The following RBFOX1 variants were observed in gnomAD, a reference collection of about 807,000 sequenced individuals.
RBFOX1 encodes the protein RNA binding protein fox-1 homolog 1.
RBFOX1 carries 8 observed loss-of-function variants against 57.7 expected under a neutral mutation model. The observed-to-expected ratio is 0.14, with a 90% CI of 0.08 to 0.25. The LOEUF (loss-of-function observed/expected upper bound fraction) is 0.25, where lower values mean the gene tolerates loss of function less well. RBFOX1 is among the 10% of genes least tolerant of loss of function. RBFOX1 has a pLI of 1.00. For missense variants in RBFOX1, 611 were observed against 548.5 expected (o/e 1.11, Z -1.14); for synonymous variants, 326 against 222.4 (o/e 1.47, Z -4.15).
chr16:7,249,194 C>G (rs558771264), intron 4 of RBFOX1, among the ~76,000 whole-genome samples: 7 of 152,346 alleles, frequency 4.6e-5, no homozygotes, highest in African/African-American at 7.2e-5. Flanking sequence ...GCTAAGTTGA[C>G]TACATTTTTA....
chr16:5,948,679 C>T (rs575565810), intron 4 of RBFOX1, among the ~76,000 whole-genome samples: 1 of 152,238 alleles, frequency 6.6e-6, no homozygotes, highest in South Asian at 2.1e-4. Context: ...AACAAGAAAC[C>T]GGGAGGGACG....
intron 3 of RBFOX1, among the ~76,000 whole-genome samples, chr16:6,999,901 G>C (rs1414171644): frequency 6.6e-6 from 1 of 151,830 alleles, no homozygotes; most frequent in East Asian, 1.9e-4. Context: ...GTGAAACCCT[G>C]TCTTTACTAA....
intron 3 of RBFOX1, among the ~76,000 whole-genome samples, chr16:6,985,674 A>T (rs182883303): frequency 1.3e-5 from 2 of 152,054 alleles, no homozygotes; most frequent in African/African-American, 4.8e-5. Context: ...CAAAAAATAC[A>T]AAAAAGAAAA....
At position 6,858,266 on chromosome 16, in the gene RBFOX1, G is replaced by C. The variant is rs150917950; in HGVS notation, c.-15-193791G>C. Among the ~76,000 whole-genome samples, 430 of 152,300 alleles carry C rather than the reference G, an allele frequency of 2.8e-3. 2 individuals are homozygous for C. Among genetic ancestry groups the C allele is most frequent in the Non-Finnish European group, 4.5e-3 (305 of 68,034 alleles). ...CTCAAATGATGAACTACACTTTGTA[G>C]GGAATGTTTCAGAGGTCTTCCCTCT... On this transcript the variant is annotated intron_variant, in intron 3 of 15. Coordinates refer to ENST00000550418, the MANE Select transcript of RBFOX1 (RefSeq NM_018723.4).
chr16:5,981,006 T>C (rs934962355), intron 4 of RBFOX1, among the ~76,000 whole-genome samples: 2 of 152,198 alleles, frequency 1.3e-5, no homozygotes, highest in African/African-American at 4.8e-5. Flanking sequence ...CCTGCCTCCC[T>C]GGGAGCTCAC....
chr16:7,239,576 G>C (rs1231645972), intron 4 of RBFOX1, among the ~76,000 whole-genome samples: 1 of 152,160 alleles, frequency 6.6e-6, no homozygotes, highest in Non-Finnish European at 1.5e-5. Context: ...AAGACCATTT[G>C]CATGTGTGAA....
At position 6,688,146 on chromosome 16, in the gene RBFOX1, T is replaced by C. The variant is rs1022918942; in HGVS notation, c.-16+33496T>C. On this transcript the variant is annotated intron_variant, in intron 3 of 15. Coordinates refer to ENST00000550418, the MANE Select transcript of RBFOX1 (RefSeq NM_018723.4). The stretch of plus-strand genomic sequence containing the variant: ...CAGGCTGTACAGGAAGCACCACGGC[T>C]TCTGGGGAGGTTTCAGAAGACTTTC... Among the ~76,000 whole-genome samples the C allele has an allele frequency of 2.0e-5, 3 of 152,048 alleles. 1 individual carries two copies. The highest frequency in any genetic ancestry group is 1.5e-5 in the Non-Finnish European group (1 of 68,016).
At chr16:5,565,431 GC>G (rs1408959628) in intron 2 of RBFOX1, among the ~76,000 whole-genome samples, 1 of 152,010 alleles carries the variant, frequency 6.6e-6, no homozygotes, top group Non-Finnish European at 1.5e-5. Flanking sequence ...TTCAAAAGCA[GC>G]CTGACCAACA....
intron 3 of RBFOX1, among the ~76,000 whole-genome samples, chr16:5,801,762 T>A (rs752794863): frequency 6.6e-6 from 1 of 152,188 alleles, no homozygotes; most frequent in Non-Finnish European, 1.5e-5. Context: ...TTGTGTTGTT[T>A]GTTTGTTTTA....
chr16:7,675,188 T>C (rs1170937826), intron 13 of RBFOX1, among the ~76,000 whole-genome samples: 1 of 152,158 alleles, frequency 6.6e-6, no homozygotes, highest in Non-Finnish European at 1.5e-5. Flanking sequence ...GAACAAGCTA[T>C]ATAGAAAAAT....
intron 12 of RBFOX1, among the ~76,000 whole-genome samples, chr16:7,662,313 C>G (rs1006385952): frequency 6.6e-6 from 1 of 152,188 alleles, no homozygotes. Flanking sequence ...TCTCCTAATT[C>G]AGGTTCGAGT....
chr16:6,345,451 G>A (rs2085230824), intron 2 of RBFOX1, among the ~76,000 whole-genome samples: 1 of 152,162 alleles, frequency 6.6e-6, no homozygotes, highest in South Asian at 2.1e-4. Context: ...GTGGTAAACC[G>A]ACATGGCAGG....
intron 4 of RBFOX1, among the ~76,000 whole-genome samples, chr16:7,097,616 C>T (rs956071620): frequency 1.2e-4 from 18 of 152,170 alleles, no homozygotes; most frequent in Non-Finnish European, 2.4e-4. Flanking sequence ...TGTTGCCACT[C>T]ATAATATGCA....
chr16:6,614,041 G>T (rs962359184), intron 2 of RBFOX1, among the ~76,000 whole-genome samples: 1 of 152,164 alleles, frequency 6.6e-6, no homozygotes, highest in Non-Finnish European at 1.5e-5. Context: ...AGTGAGTTTA[G>T]GTGAAACTTT....
intron 3 of RBFOX1, among the ~76,000 whole-genome samples, chr16:6,767,899 G>A (rs2077567898): frequency 7.1e-6 from 1 of 141,206 alleles, no homozygotes; most frequent in Admixed American, 7.2e-5. Context: ...GGGCAACAGA[G>A]TAAGGACTCT....
chr16:5,608,303 C>G (rs2151234512), intron 3 of RBFOX1, among the ~76,000 whole-genome samples: 1 of 152,312 alleles, frequency 6.6e-6, no homozygotes, highest in South Asian at 2.1e-4. Context: ...ACCAAGGGCT[C>G]TGTTTCCGTA....
chr16:6,432,259 TTGC>T lies in RBFOX1; in HGVS notation c.-64+115204_-64+115206del, dbSNP rs142506169. On this transcript the variant is annotated intron_variant, in intron 2 of 15. Coordinates refer to ENST00000550418, the MANE Select transcript of RBFOX1 (RefSeq NM_018723.4). ...GCTAGGATTATACGTATGAGCCACG[TTGC>T]TCACCCTGAAAGTGCTCAGAAACAT... Among the ~76,000 whole-genome samples the T allele has an allele frequency of 3.4e-3, 513 of 152,242 alleles. 4 individuals carry two copies. The highest frequency in any genetic ancestry group is 0.012 in the African/African-American group (488 of 41,546).
At chr16:5,886,951 G>C (rs58439487) in intron 4 of RBFOX1, among the ~76,000 whole-genome samples, 40,361 of 152,084 alleles carry the variant, frequency 0.27, 5,803 homozygotes, top group Middle Eastern at 0.35. Flanking sequence ...CCTTAGACCA[G>C]TTTCTCAGCC....
intron 3 of RBFOX1, among the ~76,000 whole-genome samples, chr16:6,938,067 G>A (rs537267889): frequency 6.6e-6 from 1 of 151,948 alleles, no homozygotes; most frequent in African/African-American, 2.4e-5. Context: ...ATATCCCTCA[G>A]TTTCTGCTTG....
Sources: gnomAD v4.1 joint callset for allele counts (sites outside exome capture counted in the v4.1 genomes callset) on GRCh38, gnomAD v4.1.1 for gene constraint, MANE v1.5 for transcripts, NCBI Gene and HGNC (gene_info 2026-07-23, HGNC 2026-07-21) for gene names.